The following PGM5 variants were observed in gnomAD, a reference collection of about 807,000 sequenced individuals.
PGM5 encodes the protein phosphoglucomutase-like protein 5.
A neutral mutation model predicts 59.2 loss-of-function variants in PGM5; 23 were observed. That is an observed-to-expected ratio of 0.39 (90% CI 0.28 to 0.55). The LOEUF (loss-of-function observed/expected upper bound fraction) is 0.55, where lower values mean the gene tolerates loss of function less well. Ranked by LOEUF, PGM5 falls within the 20% of genes least tolerant of loss-of-function variation. PGM5 has a pLI of 0.66. For synonymous variants in PGM5, 214 were observed against 286.0 expected (o/e 0.75, Z 2.54); for missense variants, 574 against 748.3 (o/e 0.77, Z 2.72).
chr9:68,373,057 A>G lies in PGM5; in HGVS notation c.262-5142A>G, dbSNP rs1276506424. Among the ~76,000 whole-genome samples the G allele has an allele frequency of 4.6e-5, 7 of 151,068 alleles. No homozygotes were observed. In the South Asian group the frequency reaches 1.1e-3, roughly 23 times the overall value. On this transcript the variant is annotated intron_variant, in intron 1 of 10. Coordinates refer to ENST00000396396, the MANE Select transcript of PGM5 (RefSeq NM_021965.4). ...AACCATATCAGCCACTTGGCTCATG[A>G]GCCCATTGGACAATGACAGGAATGG...
intron 10 of PGM5, among the ~76,000 whole-genome samples, chr9:68,506,819 A>C (rs1264536835): frequency 6.6e-6 from 1 of 152,152 alleles, no homozygotes; most frequent in Non-Finnish European, 1.5e-5. Context: ...GTGTACATGC[A>C]TGTGTGTATG....
chr9:68,516,226 AG>A (rs1824821750), intron 10 of PGM5, among the ~76,000 whole-genome samples: 1 of 152,236 alleles, frequency 6.6e-6, no homozygotes, highest in Non-Finnish European at 1.5e-5. Flanking sequence ...ACCTATAAAA[AG>A]TAAATTGGAG....
rs1822394264 is a variant in PGM5, at chr9:68,392,592, G to A, written c.1043+119G>A. The A allele has an allele frequency of 2.7e-6, 4 of 1,497,864 alleles. No homozygotes were observed. In the East Asian group the frequency reaches 7.2e-5, roughly 27 times the overall value. The allele number at this position is 1,497,864 out of a possible 1,614,324, so 92.8% of individuals were successfully genotyped here. A position where few individuals can be genotyped will look rare whatever the true frequency, so the allele number is the denominator to read the frequency against. On this transcript the variant is annotated intron_variant, in intron 6 of 10. Transcript: ENST00000396396. ...ATTTGGGAATGCGTTGAAAGCATGG[G>A]AACACGGTATAGTGTACTGGGTAGA...
At chr9:68,485,148 ATCTTC>A (rs1359615675) in intron 9 of PGM5, among the ~76,000 whole-genome samples, 1 of 152,080 alleles carries the variant, frequency 6.6e-6, no homozygotes, top group Admixed American at 6.5e-5. Flanking sequence ...TCTACCTTAT[ATCTTC>A]CTCAGTGTAC....
At chr9:68,369,797 C>T (rs1177216821) in intron 1 of PGM5, among the ~76,000 whole-genome samples, 2 of 152,008 alleles carry the variant, frequency 1.3e-5, no homozygotes, top group Non-Finnish European at 2.9e-5. Flanking sequence ...AGGTACAGGA[C>T]GTTGAGGATG....
chr9:68,420,836 A>T (rs1677681989), intron 6 of PGM5, among the ~76,000 whole-genome samples: 1 of 152,190 alleles, frequency 6.6e-6, no homozygotes, highest in Non-Finnish European at 1.5e-5. Context: ...CTTGTTTATA[A>T]AATGAAGATG....
At chr9:68,434,744 C>A (rs782022088) in intron 6 of PGM5, among the ~76,000 whole-genome samples, 1 of 151,460 alleles carries the variant, frequency 6.6e-6, no homozygotes, top group African/African-American at 2.4e-5. Context: ...AGTCGGAGAT[C>A]GCACCACTGC....
chr9:68,499,548 T>G (rs1554688460), intron 10 of PGM5, among the ~76,000 whole-genome samples, 187 bp downstream of exon 10: 10 of 152,184 alleles, frequency 6.6e-5, no homozygotes. Context: ...AACAGAAAAA[T>G]TGCTCTCTCG....
At chr9:68,394,964 T>C (rs1360817974) in intron 6 of PGM5, among the ~76,000 whole-genome samples, 5 of 152,136 alleles carry the variant, frequency 3.3e-5, no homozygotes, top group African/African-American at 1.2e-4. Context: ...GGCAGAAGTT[T>C]TAAATTTTGA....
At chr9:68,480,442 C>T (rs1452538971) in intron 8 of PGM5, among the ~76,000 whole-genome samples, 3 of 152,084 alleles carry the variant, frequency 2.0e-5, no homozygotes, top group South Asian at 2.1e-4. Flanking sequence ...TGGTGGCTCA[C>T]GCCTGTAATA....
At chr9:68,469,466 C>T (rs1554686091) in intron 7 of PGM5, among the ~76,000 whole-genome samples, 1 of 152,212 alleles carries the variant, frequency 6.6e-6, no homozygotes, top group Non-Finnish European at 1.5e-5. Flanking sequence ...GTTGTCCATA[C>T]TTGTCACACC....
At chr9:68,427,102 G>C (rs1402699377) in intron 6 of PGM5, 1 of 152,206 alleles carries the variant, frequency 6.6e-6, no homozygotes, top group East Asian at 1.9e-4. Flanking sequence ...TGGAGACAGA[G>C]AGGCAAATGT....
chr9:68,498,353 T>A (rs1000636101), intron 9 of PGM5: 2 of 152,182 alleles, frequency 1.3e-5, no homozygotes, highest in Admixed American at 6.5e-5. Context: ...TGGCCCAGTT[T>A]TGTCTGTTAT....
intron 7 of PGM5, among the ~76,000 whole-genome samples, chr9:68,465,506 C>T (rs1447473143): frequency 1.3e-5 from 2 of 152,112 alleles, no homozygotes; most frequent in East Asian, 3.9e-4. Flanking sequence ...ATTTCAACCA[C>T]CATAAACTTG....
intron 1 of PGM5, among the ~76,000 whole-genome samples, chr9:68,363,637 C>G (rs1302325712): frequency 2.0e-5 from 3 of 152,262 alleles, no homozygotes; most frequent in Non-Finnish European, 2.9e-5. Flanking sequence ...CAGAAAAAAC[C>G]CTGTATCAGC....
intron 6 of PGM5, among the ~76,000 whole-genome samples, chr9:68,418,579 C>T (rs920112171): frequency 1.3e-5 from 2 of 152,060 alleles, no homozygotes; most frequent in Non-Finnish European, 2.9e-5. Flanking sequence ...ATCTCCGATG[C>T]TGCAGCTGCT....
chr9:68,381,080 T>C (rs376449), intron 2 of PGM5, among the ~76,000 whole-genome samples: 2,367 of 152,010 alleles, frequency 0.016, 69 homozygotes, highest in African/African-American at 0.053. Context: ...CAAACACATT[T>C]TGTTAGGCCA....
At chr9:68,527,378 C>A (rs1225050772) in intron 10 of PGM5, among the ~76,000 whole-genome samples, 1 of 152,228 alleles carries the variant, frequency 6.6e-6, no homozygotes, top group Non-Finnish European at 1.5e-5. Context: ...TAACTTCACT[C>A]TCTTTTTCTG....
chr9:68,442,405 A>G (rs1054974360), intron 6 of PGM5, among the ~76,000 whole-genome samples: 1 of 152,132 alleles, frequency 6.6e-6, no homozygotes, highest in African/African-American at 2.4e-5. Context: ...CTGCCTCAGC[A>G]GGAGCCACCA....
Sources: allele counts gnomAD v4.1 joint callset (sites outside exome capture counted in the v4.1 genomes callset), GRCh38; gene constraint gnomAD v4.1.1; transcripts MANE v1.5; gene names NCBI Gene and HGNC (gene_info 2026-07-23, HGNC 2026-07-21).